Variants in NKAIN3 observed in about 807,000 individuals in gnomAD.
NKAIN3 encodes sodium/potassium transporting ATPase interacting 3, also known as sodium/potassium-transporting ATPase subunit beta-1-interacting protein 3.
A neutral mutation model predicts 30.2 loss-of-function variants in NKAIN3; 25 were observed. The observed-to-expected ratio is 0.83, with a 90% CI of 0.60 to 1.16. The LOEUF (loss-of-function observed/expected upper bound fraction) is 1.16, where lower values mean the gene tolerates loss of function less well. Ranked by LOEUF, NKAIN3 falls within the 50% of genes most tolerant of loss-of-function variation. The probability of loss-of-function intolerance (pLI) is 0.00; values close to 1 mark genes in which losing one functional copy is unlikely to be tolerated. For synonymous variants in NKAIN3, 91 were observed against 89.6 expected, an observed-to-expected ratio of 1.02 and a Z score of -0.09; for missense variants, 225 against 254.1, an observed-to-expected ratio of 0.89 and a Z score of 0.78.
chr8:62,602,245 G>A (rs1471401005), intron 3 of NKAIN3, among the ~76,000 whole-genome samples: 4 of 152,012 alleles, frequency 2.6e-5, no homozygotes, highest in Admixed American at 6.6e-5. Flanking sequence ...TCTATCAACA[G>A]TAGCTGTATT....
intron 1 of NKAIN3, among the ~76,000 whole-genome samples, chr8:62,275,298 G>C (rs565718612): frequency 1.2e-4 from 18 of 152,318 alleles, no homozygotes; most frequent in Non-Finnish European, 2.2e-4. Flanking sequence ...TAACTGGTGT[G>C]AGATGGTATC....
intron 4 of NKAIN3, among the ~76,000 whole-genome samples, chr8:62,778,738 A>C (rs1817264440): frequency 6.6e-6 from 1 of 151,820 alleles, no homozygotes. Context: ...TACCAGAAAA[A>C]GTCCCCTTTA....
chr8:62,692,060 C>A lies in NKAIN3; in HGVS notation c.274-54872C>A, dbSNP rs371402164. 2.5e-3 allele frequency among the ~76,000 whole-genome samples: 381 copies of A among 152,286 alleles called. 2 individuals are homozygous for A. Among genetic ancestry groups the A allele is most frequent in the African/African-American group, 8.8e-3 (364 of 41,556 alleles). ...GGCTTTTCTCGGCATAATCTTCCAG[C>A]AGGCCATCCTGGGCTTTTTGTCCAG... On this transcript the variant is annotated intron_variant, in intron 3 of 6. Transcript: ENST00000623646.
intron 4 of NKAIN3, among the ~76,000 whole-genome samples, chr8:62,846,139 A>G (rs1170195858): frequency 1.3e-5 from 2 of 152,184 alleles, no homozygotes; most frequent in Admixed American, 6.6e-5. Context: ...AAACACTAAC[A>G]TAACATGTAG....
At chr8:62,518,668 T>G (rs1223382331) in intron 1 of NKAIN3, among the ~76,000 whole-genome samples, 1 of 152,132 alleles carries the variant, frequency 6.6e-6, no homozygotes, top group Admixed American at 6.6e-5. Flanking sequence ...TTAAAAATTG[T>G]TTTTTCCTAA....
rs11984714 is a variant in NKAIN3, at chr8:62,645,569, C to G, written c.273+55775C>G. 9.4e-3 allele frequency among the ~76,000 whole-genome samples: 1,428 copies of G among 152,176 alleles called. 16 individuals carry two copies. Among genetic ancestry groups the G allele is most frequent in the African/African-American group, 0.032 (1,325 of 41,522 alleles). On this transcript the variant is annotated intron_variant, in intron 3 of 6. Transcript: ENST00000623646. ...AAACTACAACTTTTAAATCCTTCCCCTTTTAAAATCAGATACAACAGTGGA... is the reference window on the plus strand; with the variant it reads ...AAACTACAACTTTTAAATCCTTCCCGTTTTAAAATCAGATACAACAGTGGA...
At chr8:62,924,336 C>T (rs893901105) in intron 5 of NKAIN3, among the ~76,000 whole-genome samples, 1 of 152,220 alleles carries the variant, frequency 6.6e-6, no homozygotes. Context: ...TTTCACTGCA[C>T]ACTGTGCTTT....
chr8:62,811,003 A>T (rs1167086064), intron 4 of NKAIN3, among the ~76,000 whole-genome samples: 1 of 152,062 alleles, frequency 6.6e-6, no homozygotes, highest in Non-Finnish European at 1.5e-5. Flanking sequence ...TTTCATCAGC[A>T]CAGGGATTCC....
chr8:62,720,094 A>T (rs1815042235), intron 3 of NKAIN3, among the ~76,000 whole-genome samples: 2 of 152,168 alleles, frequency 1.3e-5, no homozygotes, highest in African/African-American at 2.4e-5. Flanking sequence ...CACAATTCAG[A>T]TATAGACACT....
intron 1 of NKAIN3, among the ~76,000 whole-genome samples, chr8:62,481,016 G>T (rs538762593): frequency 6.6e-6 from 1 of 152,208 alleles, no homozygotes; most frequent in Admixed American, 6.5e-5. Flanking sequence ...AGATAAGATA[G>T]CCAAGTAGTT....
At chr8:62,458,413 A>G (rs946288878) in intron 1 of NKAIN3, among the ~76,000 whole-genome samples, 10 of 152,224 alleles carry the variant, frequency 6.6e-5, no homozygotes, top group Admixed American at 6.5e-4. Flanking sequence ...GTCCATGGGA[A>G]CCAGACTGCA....
chr8:62,530,464 G>T (rs1808453716), intron 1 of NKAIN3, among the ~76,000 whole-genome samples: 2 of 151,988 alleles, frequency 1.3e-5, no homozygotes, highest in Admixed American at 1.3e-4. Context: ...TGCTGCTGTT[G>T]GTTCTTGGAT....
intron 3 of NKAIN3, among the ~76,000 whole-genome samples, chr8:62,673,502 T>C (rs755091647): frequency 1.3e-5 from 2 of 152,138 alleles, no homozygotes; most frequent in Non-Finnish European, 2.9e-5. Context: ...GCAGAATATC[T>C]ACCTAGGGTC....
rs531471246 is a variant in NKAIN3 at position 62,320,758 on chromosome 8, C to A, written c.54+71631C>A. On this transcript the variant is annotated intron_variant, in intron 1 of 6. Coordinates refer to ENST00000623646, the MANE Select transcript of NKAIN3 (RefSeq NM_001304533.3). The stretch of plus-strand genomic sequence containing the variant: ...TATCCCGACCTTTCTCTCTGTTTGC[C>A]CTTAACATTTTTTCCTTCATTTCAA... Among the ~76,000 whole-genome samples the A allele has an allele frequency of 7.9e-5, 12 of 152,258 alleles. No homozygotes were observed. In the East Asian group the frequency reaches 2.3e-3, roughly 29 times the overall value.
rs1315549755 is a variant in NKAIN3, at chr8:62,562,769, T to C, written c.55-16770T>C. 3.9e-5 allele frequency among the ~76,000 whole-genome samples: 6 copies of C among 152,178 alleles called. No homozygotes were observed. The South Asian group carries it at 1.2e-3, about 32-fold the overall frequency. On this transcript the variant is annotated intron_variant, in intron 1 of 6. Transcript: ENST00000623646. Reference sequence around the variant, plus strand: ...GGGTTTTTTTCTATATATTATTTTCTAAAGAGGAAACATTTAATTTCGTTT... The same window carrying C: ...GGGTTTTTTTCTATATATTATTTTCCAAAGAGGAAACATTTAATTTCGTTT...
chr8:62,535,991 A>G (rs1223267924), intron 1 of NKAIN3, among the ~76,000 whole-genome samples: 1 of 152,202 alleles, frequency 6.6e-6, no homozygotes, highest in Non-Finnish European at 1.5e-5. Flanking sequence ...GTTATGAGCC[A>G]GGAACCATGG....
intron 1 of NKAIN3, among the ~76,000 whole-genome samples, chr8:62,554,848 CA>C (rs1182453155): frequency 6.6e-6 from 1 of 152,114 alleles, no homozygotes; most frequent in East Asian, 1.9e-4. Flanking sequence ...ACCCCACTTC[CA>C]CCCCTGATAA....
At chr8:62,917,420 C>T (rs900282609) in intron 4 of NKAIN3, among the ~76,000 whole-genome samples, 2 of 152,174 alleles carry the variant, frequency 1.3e-5, no homozygotes, top group Admixed American at 6.5e-5. Context: ...CTCCTAAGAC[C>T]TCACCCTAAA....
At position 62,869,932 on chromosome 8, in the gene NKAIN3, G is replaced by A. The variant is rs529532828; in HGVS notation, c.472-48521G>A. 5.3e-5 allele frequency among the ~76,000 whole-genome samples: 8 copies of A among 152,086 alleles called. No homozygotes were observed. The South Asian group carries it at 1.5e-3, about 28-fold the overall frequency. On this transcript the variant is annotated intron_variant, in intron 4 of 6. Coordinates refer to ENST00000623646, the MANE Select transcript of NKAIN3 (RefSeq NM_001304533.3). ...CTACAGGCACTCGCCACCACGCCCA[G>A]CTAATTTTTTTGTATTTTTAGTAGA...
Sources: gnomAD v4.1 joint callset for allele counts (sites outside exome capture counted in the v4.1 genomes callset) on GRCh38, gnomAD v4.1.1 for gene constraint, MANE v1.5 for transcripts, NCBI Gene and HGNC (gene_info 2026-07-23, HGNC 2026-07-21) for gene names.